Variants in GALNT14 observed in about 807,000 individuals in gnomAD.
GALNT14 encodes the protein UDP-GalNAc:polypeptide N-acetylgalactosaminyltransferase 14.
In GALNT14, 60 loss-of-function variants were observed where a neutral mutation model predicts 77.5. That is an observed-to-expected ratio of 0.77 (90% confidence interval 0.63 to 0.96). The LOEUF (loss-of-function observed/expected upper bound fraction) is 0.96. Among genes scored for constraint, GALNT14 ranks in the 40% least tolerant of loss-of-function variants. The probability of loss-of-function intolerance (pLI) is 0.00; values close to 1 mark genes in which losing one functional copy is unlikely to be tolerated. For missense variants in GALNT14, 710 were observed against 731.0 expected, an observed-to-expected ratio of 0.97 and a Z score of 0.33; for synonymous variants, 280 against 281.7, an observed-to-expected ratio of 0.99 and a Z score of 0.06.
rs1679306505 is a variant in GALNT14 at position 31,138,012 on chromosome 2, C to T, written c.75G>A (p.Trp25Ter). 2 of 1,613,834 alleles carry T rather than the reference C, an allele frequency of 1.2e-6. No homozygotes were observed. The highest frequency in any genetic ancestry group is 1.7e-6 in the Non-Finnish European group (2 of 1,179,802). ...GCACCTCCAACTTCCTCTTGGTTAC[C>T]CAGAAGAACAGCAGCACCGTGATCC... The part of the protein sequence containing the change: ...VLWITVLLFF[W>*]VTKRKLEVPT... Residue 25 changes from tryptophan to a stop codon, truncating the protein, a stop_gained, in exon 1 of 15, where the codon TGG becomes TGA. Coordinates refer to ENST00000349752, the MANE Select transcript of GALNT14 (RefSeq NM_024572.4). LOFTEE classifies it high-confidence loss of function.
intron 6 of GALNT14, 121 bp downstream of exon 6, chr2:30,955,497 C>T (rs1667305983): frequency 8.2e-6 from 11 of 1,338,528 alleles, no homozygotes; most frequent in South Asian, 4.2e-5. Flanking sequence ...ATCGGGACTG[C>T]GATCTGTTCT....
At chr2:31,017,851 C>T (rs1671470855) in intron 1 of GALNT14, among the ~76,000 whole-genome samples, 1 of 152,210 alleles carries the variant, frequency 6.6e-6, no homozygotes, top group African/African-American at 2.4e-5. Flanking sequence ...GCTTTTGCCA[C>T]TGTGAACTAA....
At position 30,916,658 on chromosome 2, in the gene GALNT14, T is replaced by TC. The variant is rs112513530; in HGVS notation, c.1381-4317_1381-4316insG. ...AGGGGACAGGCAGGGGTCAGTAACC[T>TC]TCTCTAGCAGATGCCAGTCTGGCCA... is the stretch of plus-strand genomic sequence containing the variant. On this transcript the variant is annotated intron_variant, in intron 13 of 14. Coordinates refer to ENST00000349752, the MANE Select transcript of GALNT14 (RefSeq NM_024572.4). Among the ~76,000 whole-genome samples, 698 of 151,792 alleles carry TC rather than the reference T, an allele frequency of 4.6e-3. 6 individuals are homozygous for TC. Among genetic ancestry groups the TC allele is most frequent in the African/African-American group, 0.016 (665 of 41,386 alleles).
chr2:31,128,141 A>G (rs1678789734), intron 1 of GALNT14, among the ~76,000 whole-genome samples: 1 of 152,060 alleles, frequency 6.6e-6, no homozygotes, highest in Non-Finnish European at 1.5e-5. Flanking sequence ...CCTAAGTTTA[A>G]CCACATATGT....
chr2:31,097,051 C>T (rs1677037802), intron 1 of GALNT14, among the ~76,000 whole-genome samples: 1 of 152,118 alleles, frequency 6.6e-6, no homozygotes, highest in Non-Finnish European at 1.5e-5. Flanking sequence ...AGTCATGAGC[C>T]TCTAGCTGGG....
intron 1 of GALNT14, among the ~76,000 whole-genome samples, chr2:30,996,015 C>T (rs1046516735): frequency 6.6e-6 from 1 of 152,174 alleles, no homozygotes; most frequent in African/African-American, 2.4e-5. Flanking sequence ...TCCCTCTTAG[C>T]CTTTTTGCTC....
intron 2 of GALNT14, among the ~76,000 whole-genome samples, chr2:30,970,066 C>T (rs74861163): frequency 0.023 from 3,457 of 152,250 alleles, 142 homozygotes; most frequent in East Asian, 0.21. Context: ...CATAGTGCCA[C>T]GTTAGATGCT....
intron 13 of GALNT14, among the ~76,000 whole-genome samples, chr2:30,919,180 T>C (rs1286595330): frequency 6.8e-6 from 1 of 146,078 alleles, no homozygotes; most frequent in African/African-American, 2.6e-5. Context: ...TAGAGTCCAA[T>C]AAAGTTAAGA....
chr2:30,979,593 G>A (rs1049631623), intron 2 of GALNT14, among the ~76,000 whole-genome samples: 23 of 152,296 alleles, frequency 1.5e-4, no homozygotes, highest in African/African-American at 5.3e-4. Flanking sequence ...TTTCCATGGA[G>A]ATCAGGGATT....
At chr2:31,102,504 G>A (rs1258321118) in intron 1 of GALNT14, among the ~76,000 whole-genome samples, 1 of 152,076 alleles carries the variant, frequency 6.6e-6, no homozygotes, top group African/African-American at 2.4e-5. Flanking sequence ...TAATTGCACT[G>A]TAATCAGAGA....
At chr2:30,907,299 T>G (rs1393211563), downstream of GALNT14, among the ~76,000 whole-genome samples, 1 of 151,666 alleles carries the variant, frequency 6.6e-6, no homozygotes, top group Non-Finnish European at 1.5e-5. Flanking sequence ...TCAACAAAAT[T>G]GATAGACCGC....
chr2:31,134,065 G>C (rs1353603558), intron 1 of GALNT14, among the ~76,000 whole-genome samples: 2 of 152,190 alleles, frequency 1.3e-5, no homozygotes, highest in Non-Finnish European at 2.9e-5. Context: ...CCTCTTTGGA[G>C]ATCCTGTCAC....
At chr2:31,130,784 G>GTGTGCGCGCGCA (rs57066682) in intron 1 of GALNT14, among the ~76,000 whole-genome samples, 1 of 124,976 alleles carries the variant, frequency 8.0e-6, no homozygotes, top group African/African-American at 4.1e-5. Flanking sequence ...GTGTGTGTGT[G>GTGTGCGCGCGCA]CGCGCGCACC....
chr2:30,933,807 A>G (rs930015288), intron 9 of GALNT14, among the ~76,000 whole-genome samples: 1 of 152,256 alleles, frequency 6.6e-6, no homozygotes, highest in Non-Finnish European at 1.5e-5. Context: ...AAGCTCGCGG[A>G]GGCCTGATTT....
intron 10 of GALNT14, among the ~76,000 whole-genome samples, chr2:30,930,522 A>G (rs1387674220): frequency 6.6e-6 from 1 of 152,254 alleles, no homozygotes; most frequent in Non-Finnish European, 1.5e-5. Context: ...TCCCTCAGCC[A>G]TCAGGCGTAC....
At chr2:30,951,910 A>AG (rs1667050471) in intron 6 of GALNT14, among the ~76,000 whole-genome samples, 1 of 152,162 alleles carries the variant, frequency 6.6e-6, no homozygotes, top group Non-Finnish European at 1.5e-5. Flanking sequence ...TGAGAGGGTA[A>AG]GGGGTCTGGT....
chr2:31,017,828 G>A (rs971578383), intron 1 of GALNT14, among the ~76,000 whole-genome samples: 1 of 152,236 alleles, frequency 6.6e-6, no homozygotes, highest in African/African-American at 2.4e-5. Flanking sequence ...GGGAAAAGGG[G>A]ATTTAATGAT....
chr2:30,945,724 A>T, intron 7 of GALNT14, 59 bp downstream of exon 7: 12 of 1,363,192 alleles, frequency 8.8e-6, no homozygotes, highest in Non-Finnish European at 1.3e-5. Flanking sequence ...CCCACTTAAA[A>T]GCAGTGACTG....
chr2:30,990,541 C>T (rs1669635197), intron 2 of GALNT14, among the ~76,000 whole-genome samples: 1 of 152,240 alleles, frequency 6.6e-6, no homozygotes, highest in East Asian at 1.9e-4. Context: ...GCTTTGCTGG[C>T]AGTCTTTGGA....
Sources: allele counts gnomAD v4.1 joint callset (sites outside exome capture counted in the v4.1 genomes callset), GRCh38; gene constraint gnomAD v4.1.1; transcripts MANE v1.5; gene names NCBI Gene and HGNC (gene_info 2026-07-23, HGNC 2026-07-21).